The following B3GLCT variants were observed in gnomAD, a reference collection of about 807,000 sequenced individuals.
B3GLCT encodes beta-1,3-glucosyltransferase.
A neutral mutation model predicts 63.4 loss-of-function variants in B3GLCT; 65 were observed. The ratio of observed to expected loss-of-function variants is 1.03; its 90% CI spans 0.84 to 1.26. B3GLCT has a LOEUF of 1.26. Among genes scored for constraint, B3GLCT ranks in the 50% most tolerant of loss-of-function variants. The pLI, the probability that B3GLCT is intolerant of heterozygous loss-of-function variation, is 0.00. For synonymous variants in B3GLCT, 233 were observed against 219.2 expected, an observed-to-expected ratio of 1.06 and a Z score of -0.55; for missense variants, 577 against 604.8, an observed-to-expected ratio of 0.95 and a Z score of 0.48.
At chr13:31,309,894 C>A (rs916732693) in intron 12 of B3GLCT, among the ~76,000 whole-genome samples, 1 of 152,152 alleles carries the variant, frequency 6.6e-6, no homozygotes, top group Non-Finnish European at 1.5e-5. Flanking sequence ...GTATTTCTTC[C>A]TCTAGGTTAT....
intron 12 of B3GLCT, among the ~76,000 whole-genome samples, chr13:31,313,916 G>A (rs1874856914): frequency 6.6e-6 from 1 of 152,136 alleles, no homozygotes; most frequent in Non-Finnish European, 1.5e-5. Context: ...GCAGTCTGGG[G>A]ACTTGGTGCT....
chr13:31,310,632 G>A (rs966913899), intron 12 of B3GLCT, among the ~76,000 whole-genome samples: 1 of 152,198 alleles, frequency 6.6e-6, no homozygotes, highest in South Asian at 2.1e-4. Flanking sequence ...GGCTGGAGTG[G>A]GGTGGCAGGA....
At chr13:31,279,636 C>T (rs369067616) in intron 10 of B3GLCT, among the ~76,000 whole-genome samples, 11 of 152,110 alleles carry the variant, frequency 7.2e-5, no homozygotes, top group South Asian at 2.1e-4. Context: ...AGGACCAGGG[C>T]GAAATTAAAA....
At chr13:31,241,483 A>C (rs575308190) in intron 4 of B3GLCT, among the ~76,000 whole-genome samples, 18 of 152,324 alleles carry the variant, frequency 1.2e-4, no homozygotes, top group African/African-American at 4.3e-4. Context: ...TGGCCTCTCC[A>C]GGGTGTAGGT....
chr13:31,267,855 T>C (rs927946456), intron 7 of B3GLCT, among the ~76,000 whole-genome samples: 6 of 151,838 alleles, frequency 4.0e-5, no homozygotes, highest in Non-Finnish European at 8.8e-5. Flanking sequence ...TTCTTTCTTT[T>C]TTTTTTTTTC....
At chr13:31,283,293 G>A (rs562633169) in intron 10 of B3GLCT, 1 of 152,330 alleles carries the variant, frequency 6.6e-6, no homozygotes, top group Admixed American at 6.5e-5. Flanking sequence ...AAGCTGCAGG[G>A]AGCCCTTTCT....
intron 6 of B3GLCT, among the ~76,000 whole-genome samples, chr13:31,252,282 C>T (rs1027229214): frequency 6.6e-6 from 1 of 152,118 alleles, no homozygotes; most frequent in African/African-American, 2.4e-5. Flanking sequence ...TTGTAAAGAC[C>T]ATTGATGCTA....
chr13:31,200,151 C>A lies in B3GLCT; in HGVS notation c.67C>A (p.Leu23Met). Reference sequence around the variant, plus strand: ...GCTGCTCGCGCTCCTCACCTGCTCCCTGGGTAAGTAGCGGGCGGCCAGGCG... The same window carrying A: ...GCTGCTCGCGCTCCTCACCTGCTCCATGGGTAAGTAGCGGGCGGCCAGGCG... ...PALLALLTCS[L>M]AFGLASEDTK... The change falls in exon 1 of 15, where the codon CTG (leucine) becomes ATG (methionine). Residue 23 changes from leucine to methionine, a missense_variant. By Grantham distance (15) the Leu-to-Met change is conservative. Transcript: ENST00000343307. The A allele has an allele frequency of 1.5e-6, 2 of 1,345,596 alleles. No individual in the cohort carries two copies. The highest frequency in any genetic ancestry group is 1.5e-5 in the South Asian group (1 of 66,648). 83.4% of individuals were successfully genotyped at this position (1,345,596 alleles called of 1,614,324 possible).
intron 1 of B3GLCT, among the ~76,000 whole-genome samples, chr13:31,208,416 G>A (rs1217542720): frequency 1.3e-5 from 2 of 152,070 alleles, no homozygotes; most frequent in African/African-American, 2.4e-5. Flanking sequence ...GCTATTGCAC[G>A]CACACCCCTG....
At chr13:31,297,427 AT>A (rs997774922) in intron 12 of B3GLCT, among the ~76,000 whole-genome samples, 2 of 121,382 alleles carry the variant, frequency 1.6e-5, no homozygotes, top group African/African-American at 6.5e-5. Flanking sequence ...GTGAATTTTG[AT>A]TTGCATTTCC....
chr13:31,320,947 T>G (rs951195032), intron 13 of B3GLCT, among the ~76,000 whole-genome samples: 3 of 152,230 alleles, frequency 2.0e-5, no homozygotes, highest in African/African-American at 7.2e-5. Context: ...GCCTCTCAAA[T>G]CTGGGTTTAA....
At chr13:31,325,055 T>C (rs1181838193) in intron 14 of B3GLCT, among the ~76,000 whole-genome samples, 1 of 152,184 alleles carries the variant, frequency 6.6e-6, no homozygotes, top group African/African-American at 2.4e-5. Context: ...CATAGCAATA[T>C]AGAAAACTTA....
intron 12 of B3GLCT, among the ~76,000 whole-genome samples, chr13:31,302,272 A>G (rs1874258323): frequency 6.6e-6 from 1 of 152,242 alleles, no homozygotes; most frequent in African/African-American, 2.4e-5. Flanking sequence ...GATAACGGTC[A>G]TATTCAGTGG....
intron 12 of B3GLCT, among the ~76,000 whole-genome samples, chr13:31,287,273 G>A (rs2137882223): frequency 6.6e-6 from 1 of 152,230 alleles, no homozygotes; most frequent in Non-Finnish European, 1.5e-5. Flanking sequence ...GTATTCAATA[G>A]AGTATTGATC....
rs754338962 is a variant in B3GLCT at position 31,247,899 on chromosome 13, G to A, written c.392G>A (p.Cys131Tyr). ...AGAAATTCATCTTGGATTTTCTTCTGTGAAGAAGAGACAAGAATACAGATT... is the reference window on the plus strand; with the variant it reads ...AGAAATTCATCTTGGATTTTCTTCTATGAAGAAGAGACAAGAATACAGATT... ...YSRNSSWIFFCEEETRIQIPK... is the reference protein window; with the variant it reads ...YSRNSSWIFFYEEETRIQIPK... Residue 131 changes from cysteine (C) to tyrosine (Y), a missense_variant, in exon 6 of 15, where the codon TGT becomes TAT. Coordinates refer to ENST00000343307, the MANE Select transcript of B3GLCT (RefSeq NM_194318.4). The A allele has an allele frequency of 1.2e-5, 20 of 1,611,084 alleles. No individual in the cohort carries two copies. The highest frequency in any genetic ancestry group is 1.6e-5 in the Non-Finnish European group (19 of 1,177,668).
intron 2 of B3GLCT, 89 bp downstream of exon 2, chr13:31,215,189 A>G: frequency 3.1e-6 from 4 of 1,288,972 alleles, no homozygotes; most frequent in Admixed American, 1.9e-5. Context: ...TCATTCTTCA[A>G]TTGTTATTTT....
Position 31,276,758 on chromosome 13 carries a change from T to C in B3GLCT, c.837T>C (p.Phe279=). ...TTGCAGTAAAAACATGCAAGAAATT[T>C]CATGGTGACAGAAGTATGTTTTGGG... ...IFVAVKTCKK[F]HGDRIPIVKQ... Residue 279 remains phenylalanine (F), a synonymous_variant, in exon 10 of 15, where the codon TTT becomes TTC. Coordinates refer to ENST00000343307, the MANE Select transcript of B3GLCT (RefSeq NM_194318.4). The C allele has an allele frequency of 6.2e-7, 1 of 1,611,856 alleles. No individual in the cohort carries two copies. The highest frequency in any genetic ancestry group is 1.1e-5 in the South Asian group (1 of 91,034).
chr13:31,237,147 C>A (rs1870694766), intron 4 of B3GLCT, among the ~76,000 whole-genome samples: 1 of 151,176 alleles, frequency 6.6e-6, no homozygotes, highest in African/African-American at 2.4e-5. Flanking sequence ...AAGAGAGATC[C>A]AAGAACAAGA....
intron 6 of B3GLCT, among the ~76,000 whole-genome samples, chr13:31,254,951 C>A (rs1182291511): frequency 6.6e-6 from 1 of 150,842 alleles, no homozygotes; most frequent in African/African-American, 2.4e-5. Flanking sequence ...GCAGGAGAAT[C>A]GCTTGAAGCC....
Sources: gnomAD v4.1 joint callset for allele counts (sites outside exome capture counted in the v4.1 genomes callset) on GRCh38, gnomAD v4.1.1 for gene constraint, MANE v1.5 for transcripts, NCBI Gene and HGNC (gene_info 2026-07-23, HGNC 2026-07-21) for gene names.